The following GABRA2 variants were observed in gnomAD, a reference collection of about 807,000 sequenced individuals.
GABRA2 encodes gamma-aminobutyric acid receptor subunit alpha-2.
In GABRA2, 16 loss-of-function variants were observed where a neutral mutation model predicts 48.7. The ratio of observed to expected loss-of-function variants is 0.33; its 90% confidence interval spans 0.22 to 0.50. The LOEUF is 0.50. Ranked by LOEUF, GABRA2 falls within the 20% of genes least tolerant of loss-of-function variation. GABRA2 has a pLI of 0.98. For missense variants in GABRA2, 275 were observed against 535.6 expected (o/e 0.51, Z 4.80); for synonymous variants, 185 against 184.5 (o/e 1.00, Z -0.02).
At chr4:46,273,619 C>T (rs1182271384) in intron 8 of GABRA2, among the ~76,000 whole-genome samples, 10 of 150,958 alleles carry the variant, frequency 6.6e-5, no homozygotes, top group Non-Finnish European at 1.2e-4. Flanking sequence ...CACCATTCTC[C>T]GGAGTGAGAA....
At chr4:46,262,595 C>G (rs1231827583) in intron 8 of GABRA2, among the ~76,000 whole-genome samples, 1 of 151,996 alleles carries the variant, frequency 6.6e-6, no homozygotes, top group African/African-American at 2.4e-5. Context: ...ATGAAGGAAC[C>G]GTGATTTAAA....
At chr4:46,317,387 T>A (rs1728721673) in intron 4 of GABRA2, among the ~76,000 whole-genome samples, 1 of 151,756 alleles carries the variant, frequency 6.6e-6, no homozygotes, top group African/African-American at 2.4e-5. Context: ...TTTTTATATA[T>A]CACTTTAAAT....
rs1273772129 is a variant in GABRA2 at position 46,246,705 on chromosome 4, CTGTT to C, written c.*3599_*3602del. Among the ~76,000 whole-genome samples the C allele has an allele frequency of 6.6e-6, 1 of 151,204 alleles. No individual in the cohort carries two copies. The highest frequency in any genetic ancestry group is 1.5e-5 in the Non-Finnish European group (1 of 67,448). ...CCAGGAGACTAATAACAATAATAAT[CTGTT>C]TAGTAAATCTATTAACATAACCTCA... On this transcript the variant is annotated 3_prime_UTR_variant, in exon 10 of 10. Transcript: ENST00000381620.
chr4:46,330,591 T>TATATATATATAGAGAGAGAGAGAG, intron 4 of GABRA2, among the ~76,000 whole-genome samples: 1 of 122,690 alleles, frequency 8.2e-6, no homozygotes, highest in East Asian at 3.1e-4. Flanking sequence ...TATATATATA[T>TATATATATATAGAGAGAGAGAGAG]AGAGAGAGAG....
At chr4:46,332,436 A>G (rs1731525021) in intron 4 of GABRA2, among the ~76,000 whole-genome samples, 179 bp downstream of exon 4, 1 of 152,170 alleles carries the variant, frequency 6.6e-6, no homozygotes. Context: ...TAATCCAAAC[A>G]CTGAAGTTGG....
rs2109359340 is a variant in GABRA2 at position 46,246,653 on chromosome 4, A to G, written c.*3655T>C. On this transcript the variant is annotated 3_prime_UTR_variant, in exon 10 of 10. Coordinates refer to ENST00000381620, the MANE Select transcript of GABRA2 (RefSeq NM_000807.4). Reference sequence around the variant, plus strand: ...TGATAAAAAATTTGGTCATTGCTTCAAAAACATGCAGATGAATGTCAGTGT... The same window carrying G: ...TGATAAAAAATTTGGTCATTGCTTCGAAAACATGCAGATGAATGTCAGTGT... Among the ~76,000 whole-genome samples the G allele has an allele frequency of 6.6e-6, 1 of 151,444 alleles. No homozygotes were observed. Among genetic ancestry groups the G allele is most frequent in the South Asian group, 2.1e-4 (1 of 4,826 alleles).
chr4:46,300,043 A>G (rs1725468802), intron 8 of GABRA2, among the ~76,000 whole-genome samples: 1 of 151,992 alleles, frequency 6.6e-6, no homozygotes, highest in African/African-American at 2.4e-5. Flanking sequence ...CATGTTAATA[A>G]TTATGTATTA....
At chr4:46,264,354 C>A (rs1425681669) in intron 8 of GABRA2, among the ~76,000 whole-genome samples, 1 of 151,974 alleles carries the variant, frequency 6.6e-6, no homozygotes, top group African/African-American at 2.4e-5. Flanking sequence ...TGTAGTATAA[C>A]GTTGAATAGA....
chr4:46,353,087 A>T (rs1409212899), intron 3 of GABRA2, among the ~76,000 whole-genome samples: 2 of 152,136 alleles, frequency 1.3e-5, no homozygotes, highest in Admixed American at 6.6e-5. Context: ...GTTCTCTTTT[A>T]AGTGTGGAAA....
chr4:46,287,518 C>T (rs1306999099), intron 8 of GABRA2, among the ~76,000 whole-genome samples: 2 of 149,744 alleles, frequency 1.3e-5, no homozygotes, highest in Non-Finnish European at 3.0e-5. Flanking sequence ...TCTCAGTAAA[C>T]TATCGCAAGA....
chr4:46,332,598 T>C lies in GABRA2; in HGVS notation c.255+17A>G. The C allele has an allele frequency of 6.7e-7, 1 of 1,498,594 alleles. No individual in the cohort carries two copies. Among genetic ancestry groups the C allele is most frequent in the Non-Finnish European group, 9.3e-7 (1 of 1,076,760 alleles). The allele number at this position is 1,498,594 out of a possible 1,614,324, so 92.8% of individuals were successfully genotyped here. A position where few individuals can be genotyped will look rare whatever the true frequency, so the allele number is the denominator to read the frequency against. ...CCCATTATGTGAAGTAAAAATACTA[T>C]TTAATGAAAAACTCACCATATCTGT... On this transcript the variant is annotated intron_variant, in intron 4 of 9. Transcript: ENST00000381620.
intron 9 of GABRA2, among the ~76,000 whole-genome samples, chr4:46,253,266 C>A (rs561621058): frequency 2.0e-5 from 3 of 151,398 alleles, no homozygotes; most frequent in South Asian, 2.1e-4. Flanking sequence ...TTCAGTTGCA[C>A]ATATATGCTC....
intron 8 of GABRA2, among the ~76,000 whole-genome samples, chr4:46,300,669 CCT>C (rs1235528982): frequency 6.6e-6 from 1 of 151,712 alleles, no homozygotes; most frequent in African/African-American, 2.4e-5. Flanking sequence ...TCCTATTTGC[CCT>C]CTGTCTTCAT....
Position 46,305,660 on chromosome 4 carries a change from T to A in GABRA2, c.611A>T (p.Asp204Val), listed in dbSNP as rs1726556691. 6.2e-7 allele frequency: 1 copy of A among 1,613,262 alleles called. No homozygotes were observed. The highest frequency in any genetic ancestry group is 8.5e-7 in the Non-Finnish European group (1 of 1,179,354). ...GCCATCAGGAGCAACCTGTACTGAATCAGATGCATTGTAAGTCCAAATATA... is the reference window on the plus strand; with the variant it reads ...GCCATCAGGAGCAACCTGTACTGAAACAGATGCATTGTAAGTCCAAATATA... ...VTYIWTYNAS[D>V]SVQVAPDGSR... Residue 204 changes from aspartate to valine, a missense_variant, in exon 7 of 10, where the codon GAT (aspartate) becomes GTT (valine). This residue lies in a region of GABRA2 where 113 missense variants were observed against 257.1 expected (regional missense o/e 0.44). Transcript: ENST00000381620.
chr4:46,332,389 T>C (rs1280618981), intron 4 of GABRA2, among the ~76,000 whole-genome samples: 1 of 152,102 alleles, frequency 6.6e-6, no homozygotes, highest in African/African-American at 2.4e-5. Context: ...TGTAGTTAGG[T>C]AGACATGTTT....
intron 8 of GABRA2, among the ~76,000 whole-genome samples, chr4:46,292,705 C>A (rs756687673): frequency 6.6e-6 from 1 of 152,122 alleles, no homozygotes; most frequent in Non-Finnish European, 1.5e-5. Flanking sequence ...CCTGATCTCT[C>A]TTGGTTTAAT....
intron 5 of GABRA2, 26 bp downstream of exon 5, chr4:46,312,470 A>G (rs767137306): frequency 6.8e-7 from 1 of 1,473,404 alleles, no homozygotes. Context: ...GTATATAAAT[A>G]CATCACATCA....
At chr4:46,318,939 C>G (rs1238225062) in intron 4 of GABRA2, among the ~76,000 whole-genome samples, 9 of 151,660 alleles carry the variant, frequency 5.9e-5, no homozygotes, top group Admixed American at 5.3e-4. Flanking sequence ...CCAATTTCCT[C>G]CTTTCACAGA....
At chr4:46,386,491 A>G (rs775714340) in intron 2 of GABRA2, among the ~76,000 whole-genome samples, 1 of 152,188 alleles carries the variant, frequency 6.6e-6, no homozygotes, top group Non-Finnish European at 1.5e-5. Flanking sequence ...CCTGGGATAT[A>G]TTATGATTGT....
Sources: gnomAD v4.1 joint callset for allele counts (sites outside exome capture counted in the v4.1 genomes callset) on GRCh38, gnomAD v4.1.1 for gene constraint, gnomAD v4.1.1 regional missense constraint, MANE v1.5 for transcripts, NCBI Gene and HGNC (gene_info 2026-07-23, HGNC 2026-07-21) for gene names.